Variants in PLEKHB2 observed in about 807,000 individuals in gnomAD.
PLEKHB2 encodes pleckstrin homology domain containing B2, also known as pleckstrin homology domain-containing family B member 2.
A neutral mutation model predicts 36.5 loss-of-function variants in PLEKHB2; 31 were observed. The ratio of observed to expected loss-of-function variants is 0.85; its 90% CI spans 0.64 to 1.15. PLEKHB2 has a LOEUF of 1.15. Ranked by LOEUF, PLEKHB2 falls within the 50% of genes most tolerant of loss-of-function variation. PLEKHB2 has a pLI of 0.00. For missense variants in PLEKHB2, 262 were observed against 295.3 expected (o/e 0.89, Z 0.83); for synonymous variants, 119 against 112.0 (o/e 1.06, Z -0.39).
intron 5 of PLEKHB2, 63 bp downstream of exon 5, chr2:131,130,823 C>A: frequency 8.3e-7 from 1 of 1,198,584 alleles, no homozygotes; most frequent in Non-Finnish European, 1.2e-6. Flanking sequence ...CACTCTCACT[C>A]AGGCTTGAGT....
intron 1 of PLEKHB2, among the ~76,000 whole-genome samples, chr2:131,111,559 C>A (rs1436367700): frequency 6.7e-6 from 1 of 149,732 alleles, no homozygotes; most frequent in Admixed American, 6.7e-5. Context: ...GGCACTATCT[C>A]GGCTCACTGC....
intron 5 of PLEKHB2, among the ~76,000 whole-genome samples, chr2:131,131,340 A>G (rs1243145208): frequency 1.3e-5 from 2 of 152,256 alleles, no homozygotes; most frequent in Non-Finnish European, 2.9e-5. Flanking sequence ...TGTGGTTTGC[A>G]GTAAAGGCTT....
At chr2:131,135,122 A>C (rs1273655994) in intron 6 of PLEKHB2, among the ~76,000 whole-genome samples, 2 of 151,762 alleles carry the variant, frequency 1.3e-5, no homozygotes, top group Non-Finnish European at 2.9e-5. Context: ...CCCAGGCTGG[A>C]GTGCAGTGGC....
At chr2:131,140,707 G>A (rs971145042) in intron 7 of PLEKHB2, among the ~76,000 whole-genome samples, 1 of 152,206 alleles carries the variant, frequency 6.6e-6, no homozygotes, top group African/African-American at 2.4e-5. Context: ...TCTGGGCTTG[G>A]AGTCTGTTCT....
intron 1 of PLEKHB2, among the ~76,000 whole-genome samples, chr2:131,118,439 G>T (rs1696105326): frequency 6.6e-6 from 1 of 152,132 alleles, no homozygotes. Flanking sequence ...TAAAGGTTTG[G>T]AGAAAGATGA....
chr2:131,119,649 A>G (rs933050595), intron 1 of PLEKHB2, among the ~76,000 whole-genome samples: 5 of 152,170 alleles, frequency 3.3e-5, no homozygotes, highest in Non-Finnish European at 7.3e-5. Context: ...TTAAAGTTTC[A>G]ATAGATTTTG....
intron 2 of PLEKHB2, 38 bp from the exon 3 acceptor site, chr2:131,125,714 TA>T (rs368939952): frequency 0.068 from 86,603 of 1,282,966 alleles, 52 homozygotes; most frequent in South Asian, 0.075. Context: ...AGACTGTCTC[TA>T]AAAAAAAAAA....
At chr2:131,127,599 T>G (rs994950775) in intron 4 of PLEKHB2, among the ~76,000 whole-genome samples, 6 of 152,170 alleles carry the variant, frequency 3.9e-5, no homozygotes, top group African/African-American at 1.4e-4. Context: ...GATGGTGAAA[T>G]GGATTAGAGA....
intron 4 of PLEKHB2, among the ~76,000 whole-genome samples, chr2:131,127,413 C>T (rs1697207363): frequency 6.6e-6 from 1 of 152,176 alleles, no homozygotes; most frequent in Non-Finnish European, 1.5e-5. Flanking sequence ...TAAAGGACAC[C>T]AATCATAATG....
chr2:131,146,437 T>C (rs1256959797), intron 7 of PLEKHB2, among the ~76,000 whole-genome samples, 200 bp from the exon 8 acceptor site: 1 of 152,138 alleles, frequency 6.6e-6, no homozygotes, highest in Non-Finnish European at 1.5e-5. Flanking sequence ...TGGCCCTTAG[T>C]GAGCTGAGGA....
chr2:131,143,517 A>T (rs1213164014), intron 7 of PLEKHB2, among the ~76,000 whole-genome samples: 3 of 152,160 alleles, frequency 2.0e-5, no homozygotes, highest in African/African-American at 7.2e-5. Flanking sequence ...TATTACATTA[A>T]ATCTGGATAG....
rs543167955 is a variant in PLEKHB2 at position 131,126,692 on chromosome 2, C to T, written c.199C>T (p.Pro67Ser). The T allele has an allele frequency of 6.9e-6, 11 of 1,594,720 alleles. No individual in the cohort carries two copies. Among genetic ancestry groups the T allele is most frequent in the Admixed American group, 6.7e-5 (4 of 59,902 alleles). Residue 67 changes from proline to serine, a missense_variant, in exon 4 of 8, where the codon CCC becomes TCC. Physicochemically the swap from Pro to Ser is moderately conservative, Grantham distance 74. Coordinates refer to ENST00000693505, the MANE Select transcript of PLEKHB2 (RefSeq NM_001100623.2). ...CTGCTTATTTTTCATAGATACTCAG[C>T]CCCCGGATGGAAAGTCAAAAGACTG... ...RTGQECRDTQPPDGKSKDCML... is the reference protein window; with the variant it reads ...RTGQECRDTQSPDGKSKDCML...
In PLEKHB2 at chr2:131,119,857, C is replaced by T. The variant is rs558418141; in HGVS notation, c.-8-1077C>T. Among the ~76,000 whole-genome samples, 5 of 151,358 alleles carry T rather than the reference C, an allele frequency of 3.3e-5. No homozygotes were observed. The South Asian group carries it at 1.0e-3, about 32-fold the overall frequency. ...TTTGTTGTTCTTTTTTCTGTGTGTT[C>T]TTTTTTCTGTGAACTGCTAAATTAT... On this transcript the variant is annotated intron_variant, in intron 1 of 7. Coordinates refer to ENST00000693505, the MANE Select transcript of PLEKHB2 (RefSeq NM_001100623.2).
chr2:131,133,285 G>A (rs1697904950), intron 6 of PLEKHB2, among the ~76,000 whole-genome samples: 1 of 151,990 alleles, frequency 6.6e-6, no homozygotes, highest in Admixed American at 6.6e-5. Flanking sequence ...TAGTTTATAT[G>A]GAATGAATTA....
At chr2:131,113,691 C>G (rs773099042) in intron 1 of PLEKHB2, among the ~76,000 whole-genome samples, 3 of 152,114 alleles carry the variant, frequency 2.0e-5, no homozygotes, top group Non-Finnish European at 4.4e-5. Context: ...TGCCTTTGCT[C>G]TGAGCTAGAG....
intron 6 of PLEKHB2, among the ~76,000 whole-genome samples, chr2:131,137,197 TC>T (rs1698355893): frequency 6.7e-6 from 1 of 149,092 alleles, no homozygotes; most frequent in African/African-American, 2.6e-5. Flanking sequence ...TCTGCCCGCC[TC>T]GGCCTCCCAG....
intron 2 of PLEKHB2, among the ~76,000 whole-genome samples, chr2:131,122,034 G>C (rs1238493404): frequency 1.3e-5 from 2 of 152,106 alleles, no homozygotes; most frequent in African/African-American, 4.8e-5. Flanking sequence ...GAGTAGCTGG[G>C]ATTACAGGCG....
intron 4 of PLEKHB2, among the ~76,000 whole-genome samples, chr2:131,130,508 A>G (rs555806589): frequency 1.1e-4 from 17 of 152,350 alleles, no homozygotes; most frequent in Admixed American, 2.0e-4. Flanking sequence ...AGTAAAAAGT[A>G]TAGTATAGAT....
At chr2:131,139,936 G>A (rs1341836646) in intron 6 of PLEKHB2, among the ~76,000 whole-genome samples, 1 of 152,164 alleles carries the variant, frequency 6.6e-6, no homozygotes, top group Non-Finnish European at 1.5e-5. Context: ...CTCTTCTTTT[G>A]TTGTGTTTTT....
Sources: gnomAD v4.1 joint callset for allele counts (sites outside exome capture counted in the v4.1 genomes callset) on GRCh38, gnomAD v4.1.1 for gene constraint, MANE v1.5 for transcripts, NCBI Gene and HGNC (gene_info 2026-07-23, HGNC 2026-07-21) for gene names.